SLC24A2: variants seen among roughly 807,000 people sequenced by gnomAD.
The protein encoded by SLC24A2 is solute carrier family 24 member 2.
SLC24A2 carries 36 observed loss-of-function variants against 62.0 expected under a neutral mutation model. The ratio of observed to expected loss-of-function variants is 0.58; its 90% CI spans 0.44 to 0.77. SLC24A2 has a LOEUF of 0.77. Among genes scored for constraint, SLC24A2 ranks in the 30% least tolerant of loss-of-function variants. The probability of loss-of-function intolerance (pLI) is 0.00; values close to 1 mark genes in which losing one functional copy is unlikely to be tolerated. For synonymous variants in SLC24A2, 358 were observed against 294.0 expected (o/e 1.22, Z -2.23); for missense variants, 846 against 817.9 (o/e 1.03, Z -0.42).
the SLC24A2 span, among the ~76,000 whole-genome samples, chr9:20,074,945 A>G: frequency 1.3e-4 from 20 of 152,210 alleles, no homozygotes; most frequent in African/African-American, 4.6e-4. Context: ...TCTGCCTCTA[A>G]TATGTTATGG....
chr9:19,988,032 G>T, the SLC24A2 span, among the ~76,000 whole-genome samples: 1 of 152,206 alleles, frequency 6.6e-6, no homozygotes. Flanking sequence ...AAGAAATTAT[G>T]ACTGCTGTGG....
chr9:20,004,716 T>C, the SLC24A2 span, among the ~76,000 whole-genome samples: 1 of 152,320 alleles, frequency 6.6e-6, no homozygotes, highest in African/African-American at 2.4e-5. Flanking sequence ...ATGATATATC[T>C]TGTCTCATTA....
the SLC24A2 span, among the ~76,000 whole-genome samples, chr9:20,103,402 G>A: frequency 6.6e-6 from 1 of 152,304 alleles, no homozygotes; most frequent in Admixed American, 6.5e-5. Flanking sequence ...TCCTCAAGTG[G>A]GTCCCTGACC....
chr9:20,263,737 T>A, the SLC24A2 span, among the ~76,000 whole-genome samples: 5 of 152,192 alleles, frequency 3.3e-5, no homozygotes, highest in African/African-American at 1.2e-4. Context: ...TAGTATGTGT[T>A]CCTTTTGGAA....
chr9:20,185,085 T>G, the SLC24A2 span, among the ~76,000 whole-genome samples: 3 of 152,092 alleles, frequency 2.0e-5, no homozygotes. Flanking sequence ...TTATCTGTGT[T>G]GAGCAGGGAG....
the SLC24A2 span, among the ~76,000 whole-genome samples, chr9:19,867,909 G>A: frequency 1.3e-5 from 2 of 152,082 alleles, no homozygotes; most frequent in Non-Finnish European, 2.9e-5. Flanking sequence ...CTCTGTCTCA[G>A]AAGAACAAAA....
intron 2 of SLC24A2, among the ~76,000 whole-genome samples, chr9:19,642,211 C>T (rs963426548): frequency 4.6e-5 from 7 of 152,142 alleles, no homozygotes; most frequent in Non-Finnish European, 8.8e-5. Flanking sequence ...CCAGCTTTTA[C>T]GCTTACACAC....
chr9:20,104,361 A>G, the SLC24A2 span, among the ~76,000 whole-genome samples: 289 of 152,248 alleles, frequency 1.9e-3, 2 homozygotes, highest in African/African-American at 6.8e-3. Context: ...CCACAAAGAT[A>G]CTCCTCGAGA....
chr9:19,670,752 G>A (rs945136855), intron 2 of SLC24A2, among the ~76,000 whole-genome samples: 1 of 152,174 alleles, frequency 6.6e-6, no homozygotes, highest in East Asian at 1.9e-4. Flanking sequence ...GTATGTCTCA[G>A]GGTAAGGATA....
At chr9:20,083,232 T>C in the SLC24A2 span, among the ~76,000 whole-genome samples, 61 of 152,376 alleles carry the variant, frequency 4.0e-4, no homozygotes, top group Middle Eastern at 3.4e-3. Context: ...TTTCATTCTT[T>C]TTAGCCTCTC....
At chr9:20,160,970 C>A in the SLC24A2 span, among the ~76,000 whole-genome samples, 2 of 150,664 alleles carry the variant, frequency 1.3e-5, no homozygotes, top group Non-Finnish European at 3.0e-5. Flanking sequence ...AAAGAGAAGT[C>A]AATAAAATGA....
the SLC24A2 span, among the ~76,000 whole-genome samples, chr9:19,822,605 A>G: frequency 1.9e-4 from 29 of 152,278 alleles, 1 homozygote; most frequent in Non-Finnish European, 3.7e-4. Context: ...TGCACCAAAA[A>G]ACTGGCTAGG....
chr9:20,277,663 T>G, the SLC24A2 span, among the ~76,000 whole-genome samples: 1 of 152,314 alleles, frequency 6.6e-6, no homozygotes, highest in Non-Finnish European at 1.5e-5. Flanking sequence ...TTCAGCCATT[T>G]TGGAAGACAG....
At chr9:19,589,159 A>T (rs1836471460) in intron 5 of SLC24A2, among the ~76,000 whole-genome samples, 1 of 152,254 alleles carries the variant, frequency 6.6e-6, no homozygotes, top group African/African-American at 2.4e-5. Context: ...TCAATGGCCA[A>T]AGAGGATATT....
chr9:20,303,816 C>G, the SLC24A2 span, among the ~76,000 whole-genome samples: 1 of 152,178 alleles, frequency 6.6e-6, no homozygotes, highest in Non-Finnish European at 1.5e-5. Flanking sequence ...GCGGCAAAAC[C>G]TCACTGTGTT....
chr9:20,249,704 C>CAAATAA, the SLC24A2 span, among the ~76,000 whole-genome samples: 1 of 76,586 alleles, frequency 1.3e-5, no homozygotes, highest in African/African-American at 4.6e-5. Context: ...AACTCTGTCT[C>CAAATAA]AAAAAAAAAA....
intron 2 of SLC24A2, among the ~76,000 whole-genome samples, chr9:19,718,384 C>G (rs567580959): frequency 6.7e-6 from 1 of 149,272 alleles, no homozygotes; most frequent in African/African-American, 2.5e-5. Flanking sequence ...CCTCTGCCTC[C>G]CAGGCTCCAG....
chr9:19,721,365 C>T (rs75162442), intron 2 of SLC24A2, among the ~76,000 whole-genome samples: 7 of 152,250 alleles, frequency 4.6e-5, no homozygotes, highest in Non-Finnish European at 8.8e-5. Context: ...TCTGTTGATA[C>T]TGGCTAGAGG....
chr9:19,961,448 C>CA, the SLC24A2 span, among the ~76,000 whole-genome samples: 1 of 151,496 alleles, frequency 6.6e-6, no homozygotes, highest in Non-Finnish European at 1.5e-5. Flanking sequence ...GTAGACTTAA[C>CA]AAAAAAATGA....
Sources: gnomAD v4.1 joint callset for allele counts (sites outside exome capture counted in the v4.1 genomes callset) on GRCh38, gnomAD v4.1.1 for gene constraint, MANE v1.5 for transcripts, NCBI Gene and HGNC (gene_info 2026-07-23, HGNC 2026-07-21) for gene names.